The following KY variants were observed in gnomAD, a reference collection of about 807,000 sequenced individuals.
KY encodes kyphoscoliosis peptidase.
A neutral mutation model predicts 76.1 loss-of-function variants in KY; 43 were observed. The observed-to-expected ratio is 0.57, with a 90% CI of 0.44 to 0.73. KY has a LOEUF of 0.73. KY is among the 30% of genes least tolerant of loss of function. The pLI is 0.00. For synonymous variants in KY, 277 were observed against 326.2 expected (o/e 0.85, Z 1.63); for missense variants, 722 against 828.9 (o/e 0.87, Z 1.58).
In KY at chr3:134,603,520, G is replaced by C; in HGVS notation, c.*59C>G. Reference sequence around the variant, plus strand: ...CCAGGGCTCCCTGCACTTCCTTCGAGCCCTCCCTGGGGAGGTCTGGCCTTG... The same window carrying C: ...CCAGGGCTCCCTGCACTTCCTTCGACCCCTCCCTGGGGAGGTCTGGCCTTG... On this transcript the variant is annotated 3_prime_UTR_variant, in exon 11 of 11. Coordinates refer to ENST00000423778, the MANE Select transcript of KY (RefSeq NM_178554.6). The C allele has an allele frequency of 6.8e-7, 1 of 1,470,266 alleles. No homozygotes were observed. Among genetic ancestry groups the C allele is most frequent in the Non-Finnish European group, 9.2e-7 (1 of 1,092,406 alleles). 91.1% of individuals were successfully genotyped at this position (1,470,266 alleles called of 1,614,324 possible).
chr3:134,608,753 G>A lies in KY; in HGVS notation c.986C>T (p.Pro329Leu). 1 of 1,614,052 alleles carries A rather than the reference G, an allele frequency of 6.2e-7. No homozygotes were observed. Among genetic ancestry groups the A allele is most frequent in the Non-Finnish European group, 8.5e-7 (1 of 1,179,908 alleles). The change falls in exon 10 of 11, where the codon CCT becomes CTT. Residue 329 changes from proline (P) to leucine (L), a missense_variant. Physicochemically the swap from Pro to Leu is moderately conservative, Grantham distance 98. This residue lies in a region of KY where 552 missense variants were observed against 680.9 expected (regional missense o/e 0.81). Transcript: ENST00000423778. ...PDNKNWQLLK[P>L]PQSLRQFENN... Reference sequence around the variant, plus strand: ...CTCAAACTGCCTCAGAGATTGAGGAGGTTTTAGCAGCTGCCAGTTCTTGTT... The same window carrying A: ...CTCAAACTGCCTCAGAGATTGAGGAAGTTTTAGCAGCTGCCAGTTCTTGTT...
At chr3:134,633,944 T>C (rs975608162) in intron 3 of KY, among the ~76,000 whole-genome samples, 6 of 152,232 alleles carry the variant, frequency 3.9e-5, no homozygotes, top group African/African-American at 1.2e-4. Flanking sequence ...ACATCGATTG[T>C]ATTTCTGTAT....
At chr3:134,620,680 T>C in intron 7 of KY, 69 bp downstream of exon 7, 1 of 1,091,452 alleles carries the variant, frequency 9.2e-7, no homozygotes, top group Non-Finnish European at 1.4e-6. Context: ...AATAAGCTGA[T>C]AGGAGCAGAG....
chr3:134,637,557 C>T (rs1268318161), intron 3 of KY, among the ~76,000 whole-genome samples: 1 of 152,234 alleles, frequency 6.6e-6, no homozygotes, highest in African/African-American at 2.4e-5. Flanking sequence ...CTGGAACAAT[C>T]TCCATAAGCT....
chr3:134,603,880 T>C lies in KY; in HGVS notation c.1685A>G (p.Lys562Arg), dbSNP rs1959077677. 1.2e-6 allele frequency: 2 copies of C among 1,613,944 alleles called. No individual in the cohort carries two copies. The highest frequency in any genetic ancestry group is 1.7e-5 in the Admixed American group (1 of 60,010). The change falls in exon 11 of 11, where the codon AAG (lysine) becomes AGG (arginine). Residue 562 changes from lysine to arginine, a missense_variant. By Grantham distance (26) the Lys-to-Arg change is conservative. Transcript: ENST00000423778. ...CTCAGGGAACATGGGCCAGTTCACC[T>C]TGGTGTTGGCACAGCATACAAGGTA... ...FNYLVCCANT[K>R]VNWPMFPESF...
rs776877257 is a variant in KY at position 134,605,591 on chromosome 3, G to A, written c.1091-1117C>T. 3.3e-5 allele frequency among the ~76,000 whole-genome samples: 5 copies of A among 152,176 alleles called. No homozygotes were observed. The South Asian group carries it at 6.2e-4, about 19-fold the overall frequency. On this transcript the variant is annotated intron_variant, in intron 10 of 10. Transcript: ENST00000423778. ...CTTAGACAGCCCCTCTACCTTCTTC[G>A]TGGCTGTCCCAGCTCAAAAGCTGTC...
intron 2 of KY, among the ~76,000 whole-genome samples, chr3:134,644,218 A>G (rs1966154930): frequency 6.6e-6 from 1 of 152,146 alleles, no homozygotes; most frequent in African/African-American, 2.4e-5. Flanking sequence ...GTTCTGTTTC[A>G]CAAACATTTG....
chr3:134,630,125 G>A (rs1964022940), intron 3 of KY, among the ~76,000 whole-genome samples: 1 of 152,266 alleles, frequency 6.6e-6, no homozygotes, highest in Non-Finnish European at 1.5e-5. Context: ...TACAGTGGAT[G>A]CAGAAAAAGA....
In KY at chr3:134,603,760, T is replaced by C. The variant is rs1425226519; in HGVS notation, c.1805A>G (p.His602Arg). 5.6e-6 allele frequency: 9 copies of C among 1,612,544 alleles called. No homozygotes were observed. Among genetic ancestry groups the C allele is most frequent in the Non-Finnish European group, 7.6e-6 (9 of 1,178,862 alleles). The change falls in exon 11 of 11, where the codon CAT becomes CGT. Residue 602 changes from histidine to arginine, a missense_variant. Coordinates refer to ENST00000423778, the MANE Select transcript of KY (RefSeq NM_178554.6). ...CTTCACCAGGACTTTGGCAATACCA[T>C]GCAGCTTCAATTTGAATGGGACATT... ...NRNVPFKLKL[H>R]GIAKVLVKGQ...
rs375154682 is a variant in KY at position 134,610,219 on chromosome 3, G to C, written c.875C>G (p.Thr292Ser). The change falls in exon 9 of 11, where the codon ACC becomes AGC. Residue 292 changes from threonine (T) to serine (S), a missense_variant. Physicochemically the swap from Thr to Ser is moderately conservative, Grantham distance 58. Coordinates refer to ENST00000423778, the MANE Select transcript of KY (RefSeq NM_178554.6). ...DSTWGSGLVD[T>S]ITSKFTFLYN... is the part of the protein sequence containing the mutation. The stretch of plus-strand genomic sequence containing the variant: ...CAGGAAGGTGAATTTGGAGGTGATG[G>C]TGTCCACCAGGCCGCTGCCCCAGGT... 2 of 1,613,474 alleles carry C rather than the reference G, an allele frequency of 1.2e-6. No individual in the cohort carries two copies. The highest frequency in any genetic ancestry group is 2.7e-5 in the African/African-American group (2 of 74,992).
At chr3:134,607,754 A>C in intron 10 of KY, 2 of 986,026 alleles carry the variant, frequency 2.0e-6, no homozygotes, top group Non-Finnish European at 2.4e-6. Context: ...TTGGGAGAGC[A>C]CATGTCAGCC....
At chr3:134,611,592 C>G (rs926575132) in intron 8 of KY, among the ~76,000 whole-genome samples, 17 of 152,242 alleles carry the variant, frequency 1.1e-4, no homozygotes, top group Non-Finnish European at 8.8e-5. Flanking sequence ...GATACACAAC[C>G]TGTGAAACCG....
In KY at chr3:134,610,185, A is replaced by C; in HGVS notation, c.899+10T>G. On this transcript the variant is annotated intron_variant, in intron 9 of 10. Coordinates refer to ENST00000423778, the MANE Select transcript of KY (RefSeq NM_178554.6). The stretch of plus-strand genomic sequence containing the variant: ...GCCAGACGCCCAGCAGAACTGAGAC[A>C]AGTACTTACAGGAAGGTGAATTTGG... The C allele has an allele frequency of 6.2e-7, 1 of 1,609,854 alleles. No homozygotes were observed. Among genetic ancestry groups the C allele is most frequent in the Non-Finnish European group, 8.5e-7 (1 of 1,177,676 alleles).
chr3:134,608,468 G>A lies in KY; in HGVS notation c.1090+181C>T, dbSNP rs760620230. The A allele has an allele frequency of 8.5e-6, 13 of 1,530,852 alleles. No homozygotes were observed. The East Asian group carries it at 3.0e-4, about 35-fold the overall frequency. The allele number at this position is 1,530,852 out of a possible 1,614,324, so 94.8% of individuals were successfully genotyped here. Reference sequence around the variant, plus strand: ...GCCTATGGCCCTTCCCTGCCCTGATGGCCTGGGCTGCCTCAGCAGCCTCCA... The same window carrying A: ...GCCTATGGCCCTTCCCTGCCCTGATAGCCTGGGCTGCCTCAGCAGCCTCCA... On this transcript the variant is annotated intron_variant, in intron 10 of 10. Transcript: ENST00000423778.
At chr3:134,638,603 C>T (rs1232807753) in intron 3 of KY, among the ~76,000 whole-genome samples, 3 of 152,350 alleles carry the variant, frequency 2.0e-5, no homozygotes, top group African/African-American at 2.4e-5. Flanking sequence ...ATCTTGAGAA[C>T]GGGCTCCCTG....
At chr3:134,631,262 A>G (rs946718151) in intron 3 of KY, among the ~76,000 whole-genome samples, 1 of 152,254 alleles carries the variant, frequency 6.6e-6, no homozygotes, top group African/African-American at 2.4e-5. Flanking sequence ...GATAAATGTA[A>G]GAAAATCCAA....
At position 134,650,963 on chromosome 3, in the gene KY, T is replaced by C; in HGVS notation, c.-3A>G. On this transcript the variant is annotated 5_prime_UTR_variant, in exon 1 of 11. Coordinates refer to ENST00000423778, the MANE Select transcript of KY (RefSeq NM_178554.6). ...TTGATGTCCTTCTTCAGCTCCATGATGCCGCCTCCTTTCCGACCTGGGCGC... is the reference window on the plus strand; with the variant it reads ...TTGATGTCCTTCTTCAGCTCCATGACGCCGCCTCCTTTCCGACCTGGGCGC... 6.2e-7 allele frequency: 1 copy of C among 1,613,080 alleles called. No individual in the cohort carries two copies. Among genetic ancestry groups the C allele is most frequent in the Non-Finnish European group, 8.5e-7 (1 of 1,179,422 alleles).
rs908703036 is a variant in KY, at chr3:134,602,581, G to A, written c.*998C>T. Among the ~76,000 whole-genome samples the A allele has an allele frequency of 2.6e-5, 4 of 152,272 alleles. No homozygotes were observed. Among genetic ancestry groups the A allele is most frequent in the Admixed American group, 6.5e-5 (1 of 15,300 alleles). ...AAGTGTGAGTCTCCTCGGCATTGCCGCACTGCACTACTCACCTGATCTGCG... is the reference window on the plus strand; with the variant it reads ...AAGTGTGAGTCTCCTCGGCATTGCCACACTGCACTACTCACCTGATCTGCG... On this transcript the variant is annotated 3_prime_UTR_variant, in exon 11 of 11. Transcript: ENST00000423778.
intron 10 of KY, chr3:134,607,863 T>G: frequency 1.0e-6 from 1 of 989,406 alleles, no homozygotes; most frequent in Non-Finnish European, 1.2e-6. Context: ...GGAGGGGTAC[T>G]GAGCCAGCCA....
Sources: gnomAD v4.1 joint callset for allele counts (sites outside exome capture counted in the v4.1 genomes callset) on GRCh38, gnomAD v4.1.1 for gene constraint, gnomAD v4.1.1 regional missense constraint, MANE v1.5 for transcripts, NCBI Gene and HGNC (gene_info 2026-07-23, HGNC 2026-07-21) for gene names.